Variants in FYB1 observed in about 807,000 individuals in gnomAD.
FYB1 encodes FYN-binding protein 1.
In FYB1, 41 loss-of-function variants were observed where a neutral mutation model predicts 94.1. The ratio of observed to expected loss-of-function variants is 0.44; its 90% CI spans 0.34 to 0.57. The LOEUF (loss-of-function observed/expected upper bound fraction) is 0.57. Ranked by LOEUF, FYB1 falls within the 20% of genes least tolerant of loss-of-function variation. The probability of loss-of-function intolerance (pLI) is 0.02; values close to 1 mark genes in which losing one functional copy is unlikely to be tolerated. For missense variants in FYB1, 1,050 were observed against 976.8 expected, an observed-to-expected ratio of 1.07 and a Z score of -1.00; for synonymous variants, 367 against 353.2, an observed-to-expected ratio of 1.04 and a Z score of -0.44.
intron 2 of FYB1, among the ~76,000 whole-genome samples, chr5:39,186,190 C>G (rs760192888): frequency 6.6e-6 from 1 of 152,110 alleles, no homozygotes; most frequent in Admixed American, 6.5e-5. Flanking sequence ...CTTTGGGAGG[C>G]GAAGGCGGGA....
chr5:39,166,511 T>A (rs4957356), intron 2 of FYB1, among the ~76,000 whole-genome samples: 1 of 151,798 alleles, frequency 6.6e-6, no homozygotes, highest in Non-Finnish European at 1.5e-5. Flanking sequence ...ATCACAGTAC[T>A]ATTCACAATA....
In FYB1 at chr5:39,127,752, A is replaced by G; in HGVS notation, c.1896T>C (p.Asp632=). 1.2e-6 allele frequency: 2 copies of G among 1,603,356 alleles called. No individual in the cohort carries two copies. The part of the protein sequence containing the change: ...DDIYDGIEEE[D]ADDGSTLQVQ... Reference sequence around the variant, plus strand: ...CTGATTATTCTTACCCATCATCAGCATCTTCCTCTTCAATCCCATCATAAA... The same window carrying G: ...CTGATTATTCTTACCCATCATCAGCGTCTTCCTCTTCAATCCCATCATAAA... Residue 632 remains aspartate, a synonymous_variant, in exon 11 of 19, where the codon GAT becomes GAC. Transcript: ENST00000512982.
At chr5:39,168,202 C>T (rs559412928) in intron 2 of FYB1, among the ~76,000 whole-genome samples, 7 of 152,152 alleles carry the variant, frequency 4.6e-5, no homozygotes, top group African/African-American at 1.7e-4. Context: ...AATTAAAGTG[C>T]CGTAATCAGG....
intron 2 of FYB1, among the ~76,000 whole-genome samples, chr5:39,189,413 G>A (rs1205431489): frequency 6.6e-6 from 1 of 152,038 alleles, no homozygotes; most frequent in Non-Finnish European, 1.5e-5. Flanking sequence ...GTAATACAAT[G>A]ACTATCAATA....
In FYB1 at chr5:39,134,908, C is replaced by G. The variant is rs757881072; in HGVS notation, c.1622G>C (p.Arg541Pro). 6.2e-7 allele frequency: 1 copy of G among 1,613,784 alleles called. No homozygotes were observed. Among genetic ancestry groups the G allele is most frequent in the East Asian group, 2.2e-5 (1 of 44,882 alleles). The change falls in exon 8 of 19, where the codon CGC becomes CCC. Residue 541 changes from arginine to proline, a missense_variant. Coordinates refer to ENST00000512982, the MANE Select transcript of FYB1 (RefSeq NM_001465.6). ...FKQGEQIEIIRITDNPEGKWL... is the reference protein window; with the variant it reads ...FKQGEQIEIIPITDNPEGKWL... ...TTTTCCTTCTGGGTTGTCTGTGATG[C>G]GGATGATTTCAATTTGCTCTCCTTG...
At chr5:39,203,235 A>C (rs189336976) in intron 1 of FYB1, among the ~76,000 whole-genome samples, 1 of 152,296 alleles carries the variant, frequency 6.6e-6, no homozygotes, top group East Asian at 1.9e-4. Context: ...TTTTTACTTA[A>C]GGAACAAATC....
intron 2 of FYB1, among the ~76,000 whole-genome samples, chr5:39,185,568 G>GTATATATATACATATATATACACA (rs1746677631): frequency 7.5e-6 from 1 of 132,654 alleles, no homozygotes; most frequent in African/African-American, 3.5e-5. Flanking sequence ...TTGTGTGTGT[G>GTATATATATACATATATATACACA]TATATATATA....
intron 1 of FYB1, among the ~76,000 whole-genome samples, chr5:39,203,689 G>A (rs947250366): frequency 6.6e-6 from 1 of 152,124 alleles, no homozygotes; most frequent in African/African-American, 2.4e-5. Context: ...CTGTTTAGAG[G>A]TTATGGTCTG....
chr5:39,115,307 C>T lies in FYB1; in HGVS notation c.2401+3567G>A, dbSNP rs1245285506. 2.0e-5 allele frequency among the ~76,000 whole-genome samples: 3 copies of T among 152,044 alleles called. No individual in the cohort carries two copies. The East Asian group carries it at 5.8e-4, about 29-fold the overall frequency. On this transcript the variant is annotated intron_variant, in intron 16 of 18. Transcript: ENST00000512982. ...ATGGTGTTTTGTCATGTTGGCCAGG[C>T]TGGTCTCAAACTCCTGACCTAAAGT... is the stretch of plus-strand genomic sequence containing the variant.
intron 2 of FYB1, among the ~76,000 whole-genome samples, chr5:39,188,272 C>T (rs1001096772): frequency 1.3e-5 from 2 of 152,216 alleles, no homozygotes; most frequent in African/African-American, 4.8e-5. Flanking sequence ...AACACCTTTG[C>T]TCTTTCCCTC....
At chr5:39,142,761 T>C (rs190313655) in intron 3 of FYB1, among the ~76,000 whole-genome samples, 1 of 152,218 alleles carries the variant, frequency 6.6e-6, no homozygotes, top group Non-Finnish European at 1.5e-5. Flanking sequence ...CTTTCCCCTA[T>C]TGCCACTTCT....
At chr5:39,170,550 T>C (rs1159188564) in intron 2 of FYB1, among the ~76,000 whole-genome samples, 1 of 152,154 alleles carries the variant, frequency 6.6e-6, no homozygotes, top group Non-Finnish European at 1.5e-5. Context: ...ATCCATTTCT[T>C]TCTCCTCCAT....
At chr5:39,169,051 T>C (rs1241650788) in intron 2 of FYB1, among the ~76,000 whole-genome samples, 1 of 152,198 alleles carries the variant, frequency 6.6e-6, no homozygotes, top group Non-Finnish European at 1.5e-5. Flanking sequence ...ATAGGAAGAT[T>C]TAGGTAGCAG....
At chr5:39,156,339 T>C (rs1025406497) in intron 2 of FYB1, among the ~76,000 whole-genome samples, 2 of 152,214 alleles carry the variant, frequency 1.3e-5, no homozygotes, top group Admixed American at 6.5e-5. Context: ...TGCTTGCTCT[T>C]CTACCGGACT....
rs778751914 is a variant in FYB1, at chr5:39,202,719, G to A, written c.242C>T (p.Pro81Leu). 12 of 1,613,570 alleles carry A rather than the reference G, an allele frequency of 7.4e-6. No homozygotes were observed. Among genetic ancestry groups the A allele is most frequent in the South Asian group, 4.4e-5 (4 of 91,056 alleles). The change falls in exon 2 of 19, where the codon CCG (proline) becomes CTG (leucine). Residue 81 changes from proline to leucine, a missense_variant. By Grantham distance (98) the Pro-to-Leu change is moderately conservative. Coordinates refer to ENST00000512982, the MANE Select transcript of FYB1 (RefSeq NM_001465.6). ...GCCTGCTCCAGTGGGCTTTAGAAAC[G>A]GGGGCTTGGGTTCCTTGTCAGGCTT... Reference protein sequence around the residue: ...EEKPDKEPKPPFLKPTGAGQR... With the variant: ...EEKPDKEPKPLFLKPTGAGQR...
intron 16 of FYB1, among the ~76,000 whole-genome samples, chr5:39,116,908 C>T (rs1372409565): frequency 6.6e-6 from 1 of 151,982 alleles, no homozygotes; most frequent in Admixed American, 6.5e-5. Context: ...GATCTGTATG[C>T]ACTTCAAAGT....
At chr5:39,185,974 G>A (rs1379376834) in intron 2 of FYB1, among the ~76,000 whole-genome samples, 4 of 152,022 alleles carry the variant, frequency 2.6e-5, no homozygotes, top group East Asian at 3.9e-4. Context: ...GCAGAGTCCC[G>A]CTGGCTGCCT....
chr5:39,145,481 AGATCCCCT>A (rs1243891307), intron 3 of FYB1, among the ~76,000 whole-genome samples: 3 of 152,224 alleles, frequency 2.0e-5, no homozygotes, highest in African/African-American at 7.2e-5. Context: ...CATTAATCAA[AGATCCCCT>A]GAAAATAATT....
At chr5:39,266,476 G>C (rs553232478) in intron 1 of FYB1, among the ~76,000 whole-genome samples, 2 of 152,182 alleles carry the variant, frequency 1.3e-5, no homozygotes, top group East Asian at 3.8e-4. Flanking sequence ...AACACCAAGT[G>C]CCTTTGTGCT....
Sources: allele counts gnomAD v4.1 joint callset (sites outside exome capture counted in the v4.1 genomes callset), GRCh38; gene constraint gnomAD v4.1.1; transcripts MANE v1.5; gene names NCBI Gene and HGNC (gene_info 2026-07-23, HGNC 2026-07-21).